ANKS1B: variants seen among roughly 807,000 people sequenced by gnomAD.
The protein encoded by ANKS1B is ankyrin repeat and sterile alpha motif domain containing 1B.
A neutral mutation model predicts 148.3 loss-of-function variants in ANKS1B; 36 were observed. The ratio of observed to expected loss-of-function variants is 0.24; its 90% CI spans 0.19 to 0.32. The LOEUF (loss-of-function observed/expected upper bound fraction) is 0.32, where lower values mean the gene tolerates loss of function less well. Among genes scored for constraint, ANKS1B ranks in the 10% least tolerant of loss-of-function variants. ANKS1B has a pLI of 1.00. For missense variants in ANKS1B, 1,157 were observed against 1,542.6 expected (o/e 0.75, Z 4.19); for synonymous variants, 542 against 560.8 (o/e 0.97, Z 0.47).
intron 15 of ANKS1B, among the ~76,000 whole-genome samples, chr12:99,132,696 C>T (rs1376666403): frequency 1.3e-5 from 2 of 152,148 alleles, no homozygotes; most frequent in Non-Finnish European, 2.9e-5. Flanking sequence ...TGTAAATTAA[C>T]TATTGTCCTT....
At chr12:99,353,633 C>T (rs773560828) in intron 12 of ANKS1B, among the ~76,000 whole-genome samples, 2 of 151,934 alleles carry the variant, frequency 1.3e-5, no homozygotes, top group Non-Finnish European at 2.9e-5. Flanking sequence ...AATAATGTTG[C>T]TATTATTTTC....
At chr12:99,976,416 G>C (rs1172594968) in intron 1 of ANKS1B, among the ~76,000 whole-genome samples, 1 of 152,182 alleles carries the variant, frequency 6.6e-6, no homozygotes, top group Non-Finnish European at 1.5e-5. Flanking sequence ...ACTGGAGCCA[G>C]GGTGAACTTG....
intron 2 of ANKS1B, among the ~76,000 whole-genome samples, chr12:99,824,495 G>C (rs571196130): frequency 1.2e-4 from 18 of 148,036 alleles, no homozygotes; most frequent in Admixed American, 4.7e-4. Flanking sequence ...GTGAGACTCT[G>C]TCTCAAAAAA....
chr12:99,200,783 A>C (rs1190622722), intron 14 of ANKS1B, among the ~76,000 whole-genome samples: 4 of 152,194 alleles, frequency 2.6e-5, no homozygotes, highest in Non-Finnish European at 5.9e-5. Flanking sequence ...AATAGGTAAG[A>C]AATCTAAGCT....
At chr12:98,738,692 C>T (rs904214031) in intron 9 of ANKS1B, among the ~76,000 whole-genome samples, 2 of 152,180 alleles carry the variant, frequency 1.3e-5, no homozygotes, top group Non-Finnish European at 2.9e-5. Flanking sequence ...GACTCTTAGG[C>T]TTGTAAGTCA....
intron 17 of ANKS1B, among the ~76,000 whole-genome samples, chr12:98,879,201 T>C (rs1285997961): frequency 6.6e-6 from 1 of 152,200 alleles, no homozygotes; most frequent in African/African-American, 2.4e-5. Flanking sequence ...ATGAAATAAG[T>C]ACAGGAAACT....
intron 9 of ANKS1B, among the ~76,000 whole-genome samples, chr12:99,544,044 G>T (rs11109911): frequency 3.3e-5 from 5 of 152,184 alleles, no homozygotes; most frequent in Admixed American, 1.3e-4. Context: ...AAAATATATA[G>T]AGAGAAACAT....
chr12:99,899,782 G>A (rs895288542), intron 1 of ANKS1B, among the ~76,000 whole-genome samples: 3 of 152,014 alleles, frequency 2.0e-5, no homozygotes, highest in East Asian at 1.9e-4. Flanking sequence ...AAATAATAAT[G>A]CCCTTGTTAT....
intron 12 of ANKS1B, among the ~76,000 whole-genome samples, chr12:99,335,457 A>AT (rs74994084): frequency 0.12 from 18,670 of 151,116 alleles, 2,982 homozygotes; most frequent in African/African-American, 0.37. Context: ...TATTCATTCT[A>AT]TTTTTTTTAA....
intron 10 of ANKS1B, among the ~76,000 whole-genome samples, chr12:99,468,140 C>G (rs1429347865): frequency 6.6e-6 from 1 of 152,048 alleles, no homozygotes; most frequent in Non-Finnish European, 1.5e-5. Context: ...TGCTGCATAT[C>G]TACAACTATC....
chr12:98,735,077 G>A (rs1268250630), exon 10 of ANKS1B: 1 of 397,250 alleles, frequency 2.5e-6, no homozygotes, highest in Non-Finnish European at 4.4e-6. Flanking sequence ...GCAAGACCCT[G>A]TCTTAAAAGA....
intron 12 of ANKS1B, among the ~76,000 whole-genome samples, chr12:99,349,619 C>T (rs1053781322): frequency 3.3e-5 from 5 of 152,066 alleles, no homozygotes; most frequent in African/African-American, 9.6e-5. Flanking sequence ...GTCAATCCCT[C>T]AGGAAGATGT....
At chr12:99,767,331 C>T (rs1297249714) in intron 8 of ANKS1B, among the ~76,000 whole-genome samples, 4 of 151,966 alleles carry the variant, frequency 2.6e-5, no homozygotes, top group Admixed American at 2.6e-4. Flanking sequence ...ATACATAACA[C>T]GTTTCATCCC....
chr12:99,338,250 C>G (rs1458625916), intron 12 of ANKS1B, among the ~76,000 whole-genome samples: 1 of 152,130 alleles, frequency 6.6e-6, no homozygotes, highest in Non-Finnish European at 1.5e-5. Context: ...AAGACAAAGT[C>G]CTTCCCATTC....
chr12:98,775,305 G>A (rs566102140), intron 24 of ANKS1B, among the ~76,000 whole-genome samples: 1 of 152,288 alleles, frequency 6.6e-6, no homozygotes, highest in African/African-American at 2.4e-5. Context: ...CTCATGGGAT[G>A]CCACTCTTGA....
At chr12:99,910,866 CT>C (rs2093984421) in intron 1 of ANKS1B, among the ~76,000 whole-genome samples, 1 of 152,142 alleles carries the variant, frequency 6.6e-6, no homozygotes, top group Non-Finnish European at 1.5e-5. Flanking sequence ...AAATTTCTTA[CT>C]TCCTTGATTG....
At chr12:98,738,321 G>C (rs1262340854) in intron 9 of ANKS1B, among the ~76,000 whole-genome samples, 1 of 152,166 alleles carries the variant, frequency 6.6e-6, no homozygotes, top group Non-Finnish European at 1.5e-5. Flanking sequence ...ACATAGAAAT[G>C]AATAGAAAAA....
chr12:99,284,844 G>A (rs867466514), intron 12 of ANKS1B, among the ~76,000 whole-genome samples: 2 of 152,030 alleles, frequency 1.3e-5, no homozygotes, highest in Non-Finnish European at 1.5e-5. Context: ...ATCATATTGA[G>A]TCATTCTCTC....
chr12:99,188,839 T>C (rs2080247280), intron 14 of ANKS1B, among the ~76,000 whole-genome samples: 1 of 151,992 alleles, frequency 6.6e-6, no homozygotes, highest in South Asian at 2.1e-4. Flanking sequence ...AAGAAATAAC[T>C]AAAATCAGAG....
Sources: gnomAD v4.1 joint callset for allele counts (sites outside exome capture counted in the v4.1 genomes callset) on GRCh38, gnomAD v4.1.1 for gene constraint, MANE v1.5 for transcripts, NCBI Gene and HGNC (gene_info 2026-07-23, HGNC 2026-07-21) for gene names.